NRL: variants seen among roughly 807,000 people sequenced by gnomAD.
NRL encodes the protein neural retina leucine zipper.
In NRL, 16 loss-of-function variants were observed where a neutral mutation model predicts 12.5. The ratio of observed to expected loss-of-function variants is 1.28; its 90% CI spans 0.87 to 1.95. The LOEUF is 1.95. Ranked by LOEUF, NRL falls within the 30% of genes most tolerant of loss-of-function variation. The pLI, the probability that NRL is intolerant of heterozygous loss-of-function variation, is 0.00. For synonymous variants in NRL, 142 were observed against 150.9 expected (o/e 0.94, Z 0.43); for missense variants, 314 against 325.8 (o/e 0.96, Z 0.28).
intron 1 of NRL, among the ~76,000 whole-genome samples, chr14:24,083,636 C>T (rs2036388118): frequency 6.6e-6 from 1 of 152,198 alleles, no homozygotes. Flanking sequence ...ACCCTTCTGA[C>T]CCGTTTTCCC....
In NRL at chr14:24,103,542, C is replaced by T. The variant is rs199570303; in HGVS notation, c.-28+11180G>A. The T allele has an allele frequency of 1.1e-4, 175 of 1,563,774 alleles. No homozygotes were observed. The highest frequency in any genetic ancestry group is 1.7e-4 in the Middle Eastern group (1 of 5,792). ...CATCATGCACGACCCATTTGCCATGCGGCCCTTTTTTGGCTACAACTTCGG... is the reference window on the plus strand; with the variant it reads ...CATCATGCACGACCCATTTGCCATGTGGCCCTTTTTTGGCTACAACTTCGG... On this transcript the variant is annotated intron_variant, in intron 1 of 2. Transcript: ENST00000561028.
At chr14:24,092,323 G>A (rs2036655338) in intron 1 of NRL, among the ~76,000 whole-genome samples, 1 of 152,146 alleles carries the variant, frequency 6.6e-6, no homozygotes, top group Non-Finnish European at 1.5e-5. Flanking sequence ...GCAGACTTGA[G>A]GGCTAATTGA....
intron 1 of NRL, among the ~76,000 whole-genome samples, chr14:24,097,521 G>T (rs1451447824): frequency 6.6e-6 from 1 of 150,910 alleles, no homozygotes; most frequent in African/African-American, 2.4e-5. Context: ...CCAAGATCGC[G>T]TCATTGCACT....
In NRL at chr14:24,114,943, G is replaced by GGA; in HGVS notation, c.-250_-249insTC. ...CTGGCTGGTGGGTGGTCTCGCGTGGGGCGGTTACCGCCGGCTTCAGTGGGA... is the reference window on the plus strand; with the variant it reads ...CTGGCTGGTGGGTGGTCTCGCGTGGGGAGCGGTTACCGCCGGCTTCAGTGGGA... On this transcript the variant is annotated 5_prime_UTR_variant, in exon 1 of 3. Coordinates refer to ENST00000561028, the MANE Select transcript of NRL (RefSeq NM_001354768.3). 1.0e-6 allele frequency: 1 copy of GGA among 986,036 alleles called. No homozygotes were observed. Among genetic ancestry groups the GGA allele is most frequent in the Non-Finnish European group, 1.2e-6 (1 of 830,010 alleles). 61.1% of individuals were successfully genotyped at this position (986,036 alleles called of 1,614,324 possible). A position where few individuals can be genotyped will look rare whatever the true frequency, so the allele number is the denominator to read the frequency against.
At chr14:24,098,677 A>G in intron 1 of NRL, 1 of 1,613,164 alleles carries the variant, frequency 6.2e-7, no homozygotes, top group South Asian at 1.1e-5. Context: ...TGACAGGACA[A>G]GGTAAGCACC....
chr14:24,103,864 G>A lies in NRL; in HGVS notation c.-28+10858C>T, dbSNP rs149831874. 2.6e-5 allele frequency: 42 copies of A among 1,614,024 alleles called. No individual in the cohort carries two copies. Among genetic ancestry groups the A allele is most frequent in the East Asian group, 1.6e-4 (7 of 44,890 alleles). ...AAGGACTTCTGGGAACAGGAGGTTC[G>A]TGACATTCGGAGCTACCTGACAGAG... On this transcript the variant is annotated intron_variant, in intron 1 of 2. Transcript: ENST00000561028.
chr14:24,095,345 G>C (rs1028265547), intron 1 of NRL: 2 of 417,894 alleles, frequency 4.8e-6, no homozygotes, highest in Non-Finnish European at 9.8e-6. Context: ...TGATGCTCAC[G>C]GAGAACTTCC....
At chr14:24,095,073 C>A (rs2036804439) in intron 1 of NRL, 1 of 456,210 alleles carries the variant, frequency 2.2e-6, no homozygotes, top group Admixed American at 2.3e-5. Flanking sequence ...GCCTGGAGCC[C>A]CCAGGCTCGT....
At chr14:24,102,638 G>A in intron 1 of NRL, 1 of 834,220 alleles carries the variant, frequency 1.2e-6, no homozygotes, top group South Asian at 1.7e-5. Context: ...AAGGTTCTAG[G>A]CAGCTGATGA....
chr14:24,110,623 T>C (rs566851395), intron 1 of NRL: 4 of 155,646 alleles, frequency 2.6e-5, no homozygotes, highest in African/African-American at 9.6e-5. Flanking sequence ...CTGGTATTTC[T>C]GTGTCTATAC....
intron 1 of NRL, among the ~76,000 whole-genome samples, chr14:24,091,390 T>C (rs1225659145): frequency 6.6e-6 from 1 of 152,166 alleles, no homozygotes; most frequent in Non-Finnish European, 1.5e-5. Flanking sequence ...TGAGTGCAGA[T>C]GCCCAGAAAA....
intron 1 of NRL, chr14:24,103,850 G>A: frequency 6.2e-7 from 1 of 1,614,080 alleles, no homozygotes; most frequent in Non-Finnish European, 8.5e-7. Context: ...AGGACTTCTG[G>A]GAACAGGAGG....
Position 24,081,196 on chromosome 14 carries a change from C to T in NRL, c.*40G>A. The T allele has an allele frequency of 7.4e-7, 1 of 1,348,884 alleles. No individual in the cohort carries two copies. The highest frequency in any genetic ancestry group is 1.8e-5 in the South Asian group (1 of 55,804). The allele number at this position is 1,348,884 out of a possible 1,614,324, so 83.6% of individuals were successfully genotyped here. On this transcript the variant is annotated 3_prime_UTR_variant, in exon 3 of 3. Coordinates refer to ENST00000561028, the MANE Select transcript of NRL (RefSeq NM_001354768.3). The surrounding 1 kb of genome is among the most constrained non-coding windows in gnomAD (Gnocchi z 4.4). ...CAGCCGCCTCCTGGGCGGAGCCACC[C>T]CACCCAGCCCCCACTACACCACAAG...
In NRL at chr14:24,081,127, G is replaced by T; in HGVS notation, c.*109C>A. ...ATATTTGCGCGGTCATACAGGGCGT[G>T]GCTAGGACCAGAAGGCGCTCTGGTA... On this transcript the variant is annotated 3_prime_UTR_variant, in exon 3 of 3. Coordinates refer to ENST00000561028, the MANE Select transcript of NRL (RefSeq NM_001354768.3). This position sits in a 1 kb window ranked among gnomAD's most constrained non-coding sequence, Gnocchi z 4.4. 1.4e-6 allele frequency: 1 copy of T among 717,348 alleles called. No individual in the cohort carries two copies. Among genetic ancestry groups the T allele is most frequent in the Non-Finnish European group, 2.0e-6 (1 of 507,462 alleles). 44.4% of individuals were successfully genotyped at this position (717,348 alleles called of 1,614,324 possible). A position where few individuals can be genotyped will look rare whatever the true frequency, so the allele number is the denominator to read the frequency against.
intron 1 of NRL, among the ~76,000 whole-genome samples, chr14:24,083,785 C>T (rs1326383831): frequency 6.6e-6 from 1 of 152,212 alleles, no homozygotes; most frequent in Non-Finnish European, 1.5e-5. Flanking sequence ...CTACCTCTTA[C>T]AGATGCACAT....
At position 24,094,579 on chromosome 14, in the gene NRL, G is replaced by A; in HGVS notation, c.-27-11704C>T. The A allele has an allele frequency of 6.9e-7, 1 of 1,449,466 alleles. No homozygotes were observed. Among genetic ancestry groups the A allele is most frequent in the Non-Finnish European group, 9.1e-7 (1 of 1,104,670 alleles). The allele number at this position is 1,449,466 out of a possible 1,614,324, so 89.8% of individuals were successfully genotyped here. On this transcript the variant is annotated intron_variant, in intron 1 of 2. Transcript: ENST00000561028. The surrounding 1 kb of genome is among the most constrained non-coding windows in gnomAD (Gnocchi z 4.1). The stretch of plus-strand genomic sequence containing the variant: ...GGCAGGGGCGACTGCTGTGGGTCCA[G>A]CCTCCCGCGCCGCGCGTCTCTTGGG...
chr14:24,090,612 G>A (rs2036597092), intron 1 of NRL, among the ~76,000 whole-genome samples: 3 of 152,186 alleles, frequency 2.0e-5, no homozygotes, highest in Non-Finnish European at 4.4e-5. Context: ...GCGGGAATCT[G>A]GGCTACACAC....
intron 1 of NRL, chr14:24,102,897 A>T: frequency 1.2e-6 from 2 of 1,612,560 alleles, no homozygotes; most frequent in Non-Finnish European, 1.7e-6. Flanking sequence ...AAAGGTAAAC[A>T]ACATATGAGC....
chr14:24,098,269 T>TTG, intron 1 of NRL: 1 of 1,614,064 alleles, frequency 6.2e-7, no homozygotes, highest in Non-Finnish European at 8.5e-7. Context: ...TTGTAACTCC[T>TTG]TCTCAGCGGG....
Sources: allele counts gnomAD v4.1 joint callset (sites outside exome capture counted in the v4.1 genomes callset), GRCh38; gene constraint gnomAD v4.1.1; non-coding constraint Gnocchi (gnomAD v3.1); transcripts MANE v1.5; gene names NCBI Gene and HGNC (gene_info 2026-07-23, HGNC 2026-07-21).